ZNF620: variants seen among roughly 807,000 people sequenced by gnomAD.
The protein encoded by ZNF620 is zinc finger protein 620.
Under a neutral mutation model 13.3 loss-of-function variants are expected in ZNF620, and 10 were observed. That is an observed-to-expected ratio of 0.75 (90% CI 0.46 to 1.28). The LOEUF (loss-of-function observed/expected upper bound fraction) is 1.28. ZNF620 is among the 50% of genes most tolerant of loss of function. The pLI is 0.00. For missense variants in ZNF620, 461 were observed against 500.2 expected, an observed-to-expected ratio of 0.92 and a Z score of 0.75; for synonymous variants, 166 against 177.6, an observed-to-expected ratio of 0.93 and a Z score of 0.52.
intron 2 of ZNF620, among the ~76,000 whole-genome samples, chr3:40,510,081 C>T (rs1481530803): frequency 6.6e-6 from 1 of 151,474 alleles, no homozygotes; most frequent in Non-Finnish European, 1.5e-5. Flanking sequence ...AGTACAGTAG[C>T]ACGATCACGG....
chr3:40,516,759 G>T lies in ZNF620; in HGVS notation c.1165G>T (p.Glu389Ter), dbSNP rs749558728. 6.2e-7 allele frequency: 1 copy of T among 1,614,210 alleles called. No homozygotes were observed. Among genetic ancestry groups the T allele is most frequent in the Non-Finnish European group, 8.5e-7 (1 of 1,180,048 alleles). Residue 389 changes from glutamate (E) to a stop codon, truncating the protein, a stop_gained, in exon 5 of 5, where the codon GAG becomes TAG. Coordinates refer to ENST00000314529, the MANE Select transcript of ZNF620 (RefSeq NM_175888.4). LOFTEE classifies it low-confidence loss of function (END_TRUNC). ...TCAGCACCAGCGAGTTCACACTGGC[G>T]AGAAACCTTATGAGTGTAAAGTGTG... The part of the protein sequence containing the change: ...LIQHQRVHTG[E>*]KPYECKVCGK...
intron 2 of ZNF620, among the ~76,000 whole-genome samples, chr3:40,506,770 C>T (rs1698036898): frequency 6.6e-6 from 1 of 152,158 alleles, no homozygotes; most frequent in Non-Finnish European, 1.5e-5. Flanking sequence ...TAGTTTTACT[C>T]CTTTCTTTCC....
At chr3:40,513,464 C>G (rs1559550987) in intron 4 of ZNF620, among the ~76,000 whole-genome samples, 1 of 150,596 alleles carries the variant, frequency 6.6e-6, no homozygotes, top group Admixed American at 6.6e-5. Context: ...TGGTGAAACT[C>G]CATCGCTACT....
intron 2 of ZNF620, among the ~76,000 whole-genome samples, chr3:40,507,935 A>G (rs1472128723): frequency 6.6e-6 from 1 of 152,134 alleles, no homozygotes; most frequent in African/African-American, 2.4e-5. Flanking sequence ...AGCTTAAATG[A>G]GTTTTGGTAA....
At chr3:40,509,772 C>T (rs2125656944) in intron 2 of ZNF620, among the ~76,000 whole-genome samples, 1 of 152,282 alleles carries the variant, frequency 6.6e-6, no homozygotes, top group South Asian at 2.1e-4. Context: ...TCTCTTCAGA[C>T]TCTACAAGGA....
At chr3:40,509,532 C>CT (rs148232473) in intron 2 of ZNF620, among the ~76,000 whole-genome samples, 22 of 152,040 alleles carry the variant, frequency 1.4e-4, no homozygotes, top group South Asian at 6.2e-4. Context: ...GTGCCTGGCT[C>CT]TTTTTTTTCC....
Position 40,506,393 on chromosome 3 carries a change from T to TGGCCC in ZNF620, c.24+17_24+18insGGCCC. 6.4e-7 allele frequency: 1 copy of TGGCCC among 1,555,974 alleles called. No homozygotes were observed. The highest frequency in any genetic ancestry group is 1.1e-5 in the South Asian group (1 of 89,088). On this transcript the variant is annotated intron_variant, in intron 2 of 4. Coordinates refer to ENST00000314529, the MANE Select transcript of ZNF620 (RefSeq NM_175888.4). ...TGGCGCCAGGTGAGTGAGCATCCTCTCCCTCCCTCCCACCCTTTAGATGTC... is the reference window on the plus strand; with the variant it reads ...TGGCGCCAGGTGAGTGAGCATCCTCTGGCCCCCCTCCCTCCCACCCTTTAGATGTC...
rs1190563705 is a variant in ZNF620, at chr3:40,516,480, C to T, written c.886C>T (p.Leu296Phe). ...GGCCTTCAGTAGCAGCTCTGTCTTC[C>T]TCCAGCACCAGAGGTTCCACACTGG... ...GKAFSSSSVF[L>F]QHQRFHTGEK... Residue 296 changes from leucine (L) to phenylalanine (F), a missense_variant, in exon 5 of 5, where the codon CTC becomes TTC. By Grantham distance (22) the Leu-to-Phe change is conservative (BLOSUM62 0). Transcript: ENST00000314529. 2 of 1,613,958 alleles carry T rather than the reference C, an allele frequency of 1.2e-6. No individual in the cohort carries two copies. The highest frequency in any genetic ancestry group is 2.2e-5 in the East Asian group (1 of 44,878).
intron 2 of ZNF620, among the ~76,000 whole-genome samples, chr3:40,508,455 A>G (rs1050243215): frequency 1.3e-5 from 2 of 152,126 alleles, no homozygotes; most frequent in Non-Finnish European, 2.9e-5. Context: ...TGACTTTACA[A>G]ATATTTGGGG....
In ZNF620 at chr3:40,517,078, G is replaced by A. The variant is rs1001947756; in HGVS notation, c.*215G>A. On this transcript the variant is annotated 3_prime_UTR_variant, in exon 5 of 5. Transcript: ENST00000314529. ...CAAACTTAGAAACATAAAAGGAAAT[G>A]TAAGTTTCCAGATTTAAAGGACATG... The A allele has an allele frequency of 4.4e-6, 2 of 451,878 alleles. No homozygotes were observed. Among genetic ancestry groups the A allele is most frequent in the Non-Finnish European group, 7.5e-6 (2 of 266,984 alleles). The allele number at this position is 451,878 out of a possible 1,614,324, so 28.0% of individuals were successfully genotyped here.
At chr3:40,508,598 T>A in intron 2 of ZNF620, 1 of 326,650 alleles carries the variant, frequency 3.1e-6, no homozygotes, top group South Asian at 2.4e-5. Context: ...TCTACCTATC[T>A]ACATTGTCTT....
In ZNF620 at chr3:40,515,905, A is replaced by G; in HGVS notation, c.311A>G (p.His104Arg). 6.2e-7 allele frequency: 1 copy of G among 1,613,816 alleles called. No individual in the cohort carries two copies. The highest frequency in any genetic ancestry group is 8.5e-7 in the Non-Finnish European group (1 of 1,179,952). ...TEKEGLTPKD[H>R]VSKETESFRL... is the part of the protein sequence containing the mutation. ...AAGGAAGGATTAACTCCAAAGGATC[A>G]TGTGTCCAAAGAAACAGAGTCCTTC... The change falls in exon 5 of 5, where the codon CAT becomes CGT. Residue 104 changes from histidine (H) to arginine (R), a missense_variant. His to Arg is a conservative substitution (Grantham distance 29, BLOSUM62 0). Coordinates refer to ENST00000314529, the MANE Select transcript of ZNF620 (RefSeq NM_175888.4).
chr3:40,516,228 C>T lies in ZNF620; in HGVS notation c.634C>T (p.His212Tyr). ...GRYFIQMADF[H>Y]RHEKCHTGEK... ...ATATTTCATTCAAATGGCAGACTTC[C>T]ACCGACATGAGAAATGTCACACTGG... The change falls in exon 5 of 5, where the codon CAC (histidine) becomes TAC (tyrosine). Residue 212 changes from histidine to tyrosine, a missense_variant. Physicochemically the swap from His to Tyr is moderately conservative, Grantham distance 83. Coordinates refer to ENST00000314529, the MANE Select transcript of ZNF620 (RefSeq NM_175888.4). The T allele has an allele frequency of 6.2e-7, 1 of 1,614,062 alleles. No individual in the cohort carries two copies. The highest frequency in any genetic ancestry group is 1.1e-5 in the South Asian group (1 of 91,086).
At position 40,517,780 on chromosome 3, in the gene ZNF620, A is replaced by AAAAAGAC. The variant is rs2125667264; in HGVS notation, c.*919_*925dup. 6.6e-6 allele frequency: 1 copy of AAAAAGAC among 152,326 alleles called. No homozygotes were observed. The highest frequency in any genetic ancestry group is 1.5e-5 in the Non-Finnish European group (1 of 68,016). 9.4% of individuals were successfully genotyped at this position (152,326 alleles called of 1,614,324 possible). A position where few individuals can be genotyped will look rare whatever the true frequency, so the allele number is the denominator to read the frequency against. ...CTACACAAGGAGTAAACCAGTAAAT[A>AAAAAGAC]AAAAGACAGATATATGGATTCCCTA... On this transcript the variant is annotated 3_prime_UTR_variant, in exon 5 of 5. Coordinates refer to ENST00000314529, the MANE Select transcript of ZNF620 (RefSeq NM_175888.4).
chr3:40,512,675 C>G (rs1575291007), intron 4 of ZNF620, among the ~76,000 whole-genome samples, 160 bp downstream of exon 4: 1 of 152,192 alleles, frequency 6.6e-6, no homozygotes, highest in South Asian at 2.1e-4. Flanking sequence ...CCTACCTCAA[C>G]TGGGGAAGGG....
chr3:40,507,426 T>G (rs777476556), intron 2 of ZNF620, among the ~76,000 whole-genome samples: 4 of 152,196 alleles, frequency 2.6e-5, no homozygotes, highest in Non-Finnish European at 5.9e-5. Flanking sequence ...TGATTTTTCT[T>G]TCAAATATTA....
chr3:40,506,820 G>A (rs930889574), intron 2 of ZNF620, among the ~76,000 whole-genome samples: 4 of 151,978 alleles, frequency 2.6e-5, no homozygotes, highest in African/African-American at 7.3e-5. Context: ...TTGCCTTACT[G>A]CACTGGCTAG....
chr3:40,513,316 A>AAATATATATATAT (rs1193351404), intron 4 of ZNF620, among the ~76,000 whole-genome samples: 1 of 62,674 alleles, frequency 1.6e-5, no homozygotes, highest in African/African-American at 8.5e-5. Flanking sequence ...AAAAAAAAAA[A>AAATATATATATAT]ATATATATAT....
chr3:40,514,074 A>T (rs1698299222), intron 4 of ZNF620, among the ~76,000 whole-genome samples: 1 of 152,116 alleles, frequency 6.6e-6, no homozygotes, highest in African/African-American at 2.4e-5. Context: ...GAGTTAGAGA[A>T]GACTGCTCCA....
Sources: gnomAD v4.1 joint callset for allele counts (sites outside exome capture counted in the v4.1 genomes callset) on GRCh38, gnomAD v4.1.1 for gene constraint, MANE v1.5 for transcripts, NCBI Gene and HGNC (gene_info 2026-07-23, HGNC 2026-07-21) for gene names.